The following IQCN variants were observed in gnomAD, a reference collection of about 807,000 sequenced individuals.
IQCN encodes IQ domain-containing protein N.
Under a neutral mutation model 64.4 loss-of-function variants are expected in IQCN, and 46 were observed. That is an observed-to-expected ratio of 0.71 (90% CI 0.56 to 0.91). The LOEUF (loss-of-function observed/expected upper bound fraction) is 0.91. Ranked by LOEUF, IQCN falls within the 40% of genes least tolerant of loss-of-function variation. The pLI, the probability that IQCN is intolerant of heterozygous loss-of-function variation, is 0.00. For synonymous variants in IQCN, 733 were observed against 775.6 expected (o/e 0.95, Z 0.91); for missense variants, 1,753 against 1,857.4 (o/e 0.94, Z 1.03).
intron 3 of IQCN, chr19:18,259,869 G>T (rs972272803): frequency 6.6e-6 from 1 of 152,306 alleles, no homozygotes; most frequent in Non-Finnish European, 1.5e-5. Context: ...ATGTGTCAAA[G>T]GGCCACCTGC....
chr19:18,264,690 C>T lies in IQCN; in HGVS notation c.2850G>A (p.Leu950=). Residue 950 remains leucine (L), a synonymous_variant, in exon 3 of 4, where the codon CTG becomes CTA. Coordinates refer to ENST00000392413, the MANE Select transcript of IQCN (RefSeq NM_001145304.2). This position sits in a 1 kb window ranked among gnomAD's most constrained non-coding sequence, Gnocchi z 4.3. ...GCTCGCCCCGGGACAGGGCTCGGGA[C>T]AGGGTCAGGCGCAGCTCACTCCAGG... is the stretch of plus-strand genomic sequence containing the variant. ...ALSWSELRLT[L]SRALSRGELR... The T allele has an allele frequency of 2.6e-6, 4 of 1,551,262 alleles. No individual in the cohort carries two copies. Among genetic ancestry groups the T allele is most frequent in the Non-Finnish European group, 3.5e-6 (4 of 1,146,994 alleles).
At position 18,265,900 on chromosome 19, in the gene IQCN, A is replaced by C; in HGVS notation, c.1640T>G (p.Ile547Ser). The C allele has an allele frequency of 6.2e-7, 1 of 1,614,094 alleles. No individual in the cohort carries two copies. The change falls in exon 3 of 4, where the codon ATC becomes AGC. Residue 547 changes from isoleucine (I) to serine (S), a missense_variant. By Grantham distance (142) the Ile-to-Ser change is moderately radical. Transcript: ENST00000392413. The surrounding 1 kb of genome is among the most constrained non-coding windows in gnomAD (Gnocchi z 4.7). ...AAGTPNTSGS[I>S]HENPPKAKAT... ...CTTGGCCTTGGGTGGGTTCTCATGGATGGAGCCTGAGGTGTTGGGAGTTCC... is the reference window on the plus strand; with the variant it reads ...CTTGGCCTTGGGTGGGTTCTCATGGCTGGAGCCTGAGGTGTTGGGAGTTCC...
In IQCN at chr19:18,265,518, ATG is replaced by A; in HGVS notation, c.2020_2021del (p.His674SerfsTer25). ...APLTNASSQR[H>X]PPCLSQRPLA... is the part of the protein sequence containing the mutation. ...GTGGTCTCTGGGACAGGCAGGGTGG[ATG>A]TCTCTGGGATGAGGCATTGGTCAGT... On this transcript the variant is annotated frameshift_variant, in exon 3 of 4. Coordinates refer to ENST00000392413, the MANE Select transcript of IQCN (RefSeq NM_001145304.2). LOFTEE classifies it high-confidence loss of function. The surrounding 1 kb of genome is among the most constrained non-coding windows in gnomAD (Gnocchi z 4.7). 1 of 1,612,224 alleles carries A rather than the reference ATG, an allele frequency of 6.2e-7. No homozygotes were observed. The highest frequency in any genetic ancestry group is 8.5e-7 in the Non-Finnish European group (1 of 1,178,776).
chr19:18,259,609 C>A (rs1344959968), intron 3 of IQCN: 1 of 152,318 alleles, frequency 6.6e-6, no homozygotes, highest in Non-Finnish European at 1.5e-5. Context: ...GCTACAAAAC[C>A]TCCTGCCGCA....
At chr19:18,273,717 C>T (rs1969791514) in intron 1 of IQCN, among the ~76,000 whole-genome samples, 1 of 152,120 alleles carries the variant, frequency 6.6e-6, no homozygotes, top group Non-Finnish European at 1.5e-5. Flanking sequence ...ATCACTTGAA[C>T]CCGGGAGACA....
Position 18,265,686 on chromosome 19 carries a change from C to A in IQCN, c.1854G>T (p.Met618Ile), listed in dbSNP as rs752560660. 2.5e-6 allele frequency: 4 copies of A among 1,614,046 alleles called. No homozygotes were observed. The African/African-American group carries it at 4.0e-5, about 16-fold the overall frequency. ...TGTQKQAKTDMAFKTSVAVEM... is the reference protein window; with the variant it reads ...TGTQKQAKTDIAFKTSVAVEM... ...CCACTGCCACACTGGTCTTAAATGCCATGTCTGTTTTCGCCTGTTTCTGGG... is the reference window on the plus strand; with the variant it reads ...CCACTGCCACACTGGTCTTAAATGCAATGTCTGTTTTCGCCTGTTTCTGGG... The change falls in exon 3 of 4, where the codon ATG becomes ATT. Residue 618 changes from methionine to isoleucine, a missense_variant. Coordinates refer to ENST00000392413, the MANE Select transcript of IQCN (RefSeq NM_001145304.2). The surrounding 1 kb of genome is among the most constrained non-coding windows in gnomAD (Gnocchi z 4.7).
chr19:18,263,575 G>C (rs1969477580), intron 3 of IQCN, among the ~76,000 whole-genome samples: 1 of 152,158 alleles, frequency 6.6e-6, no homozygotes, highest in Non-Finnish European at 1.5e-5. Flanking sequence ...ATGGTGACCT[G>C]CAAGGGACTT....
rs765140713 is a variant in IQCN at position 18,257,518 on chromosome 19, A to G, written c.3766T>C (p.Cys1256Arg). ...VMLVGSSPRT[C>R]HTCGRTQPTR... is the part of the protein sequence containing the mutation. ...GGCTGTGTGCGTCCACAGGTATGAC[A>G]GGTGCGAGGGCTGGAGCCCACTAGC... Residue 1256 changes from cysteine to arginine, a missense_variant, in exon 4 of 4, where the codon TGT becomes CGT. By Grantham distance (180) the Cys-to-Arg change is radical. Transcript: ENST00000392413. 3.1e-6 allele frequency: 5 copies of G among 1,611,222 alleles called. No homozygotes were observed. The highest frequency in any genetic ancestry group is 4.2e-6 in the Non-Finnish European group (5 of 1,179,348).
In IQCN at chr19:18,257,919, G is replaced by A. The variant is rs139430406; in HGVS notation, c.3365C>T (p.Ala1122Val). The change falls in exon 4 of 4, where the codon GCG (alanine) becomes GTG (valine). Residue 1122 changes from alanine to valine, a missense_variant. By Grantham distance (64) the Ala-to-Val change is moderately conservative. Transcript: ENST00000392413. ...ACGCGCCAGGTAGCCACGGACGCCCGCCTGGATAGTGATCACTGCGAGGAT... is the reference window on the plus strand; with the variant it reads ...ACGCGCCAGGTAGCCACGGACGCCCACCTGGATAGTGATCACTGCGAGGAT... Reference protein sequence around the residue: ...IRILAVITIQAGVRGYLARRR... With the variant: ...IRILAVITIQVGVRGYLARRR... 219 of 1,612,812 alleles carry A rather than the reference G, an allele frequency of 1.4e-4. 1 individual carries two copies. The African/African-American group carries it at 2.0e-3, about 14-fold the overall frequency.
chr19:18,269,319 T>C, intron 2 of IQCN, 147 bp downstream of exon 2: 1 of 760,792 alleles, frequency 1.3e-6, no homozygotes, highest in South Asian at 1.6e-5. Flanking sequence ...TGACTGTGGC[T>C]TTCAGAAGTA....
Position 18,267,425 on chromosome 19 carries a change from C to A in IQCN, c.115G>T (p.Ala39Ser). 1 of 1,569,686 alleles carries A rather than the reference C, an allele frequency of 6.4e-7. No homozygotes were observed. Among genetic ancestry groups the A allele is most frequent in the South Asian group, 1.2e-5 (1 of 82,682 alleles). ...TQWAVHPPAPAHPSLLDKMEK... is the reference protein window; with the variant it reads ...TQWAVHPPAPSHPSLLDKMEK... ...ATTTTGTCCAGGAGACTGGGGTGAGCGGGGGCTGGAGGATGCACCGCCCAC... is the reference window on the plus strand; with the variant it reads ...ATTTTGTCCAGGAGACTGGGGTGAGAGGGGGCTGGAGGATGCACCGCCCAC... The change falls in exon 3 of 4, where the codon GCT (alanine) becomes TCT (serine). Residue 39 changes from alanine (A) to serine (S), a missense_variant. Coordinates refer to ENST00000392413, the MANE Select transcript of IQCN (RefSeq NM_001145304.2).
At position 18,265,573 on chromosome 19, in the gene IQCN, G is replaced by A; in HGVS notation, c.1967C>T (p.Thr656Ile). Residue 656 changes from threonine to isoleucine, a missense_variant, in exon 3 of 4, where the codon ACC becomes ATC. Transcript: ENST00000392413. The surrounding 1 kb of genome is among the most constrained non-coding windows in gnomAD (Gnocchi z 4.7). ...HVYVPVDMAV[T>I]LPRGQLAAPL... ...GGCAGCCAGCTGTCCCCGGGGCAGG[G>A]TGACAGCCATGTCTACAGGCACATA... The A allele has an allele frequency of 6.2e-7, 1 of 1,612,284 alleles. No homozygotes were observed. The highest frequency in any genetic ancestry group is 2.2e-5 in the East Asian group (1 of 44,840).
In IQCN at chr19:18,265,221, C is replaced by A. The variant is rs552229429; in HGVS notation, c.2319G>T (p.Val773=). The A allele has an allele frequency of 9.3e-6, 15 of 1,612,644 alleles. No homozygotes were observed. In the Admixed American group the frequency reaches 1.8e-4, roughly 20 times the overall value. ...ADLSSNTHSQ[V]LLTGSKVSNH... is the part of the protein sequence containing the mutation. ...TGGACACCTTGGACCCTGTTAGGAGCACCTGGGAGTGGGTGTTGCTGCTGA... is the reference window on the plus strand; with the variant it reads ...TGGACACCTTGGACCCTGTTAGGAGAACCTGGGAGTGGGTGTTGCTGCTGA... Residue 773 remains valine, a synonymous_variant, in exon 3 of 4, where the codon GTG becomes GTT. Coordinates refer to ENST00000392413, the MANE Select transcript of IQCN (RefSeq NM_001145304.2). This position sits in a 1 kb window ranked among gnomAD's most constrained non-coding sequence, Gnocchi z 4.7.
intron 1 of IQCN, among the ~76,000 whole-genome samples, chr19:18,274,097 T>G (rs1256471309): frequency 6.6e-6 from 1 of 152,090 alleles, no homozygotes; most frequent in Non-Finnish European, 1.5e-5. Flanking sequence ...ATGTCTCTAT[T>G]TATTTAAAAA....
chr19:18,269,779 G>C (rs1052415466), intron 1 of IQCN, among the ~76,000 whole-genome samples, 192 bp from the exon 2 acceptor site: 2 of 151,986 alleles, frequency 1.3e-5, no homozygotes, highest in African/African-American at 4.8e-5. Context: ...GATTGGTAGA[G>C]GTTCTGCTAC....
In IQCN at chr19:18,266,852, C is replaced by A; in HGVS notation, c.688G>T (p.Ala230Ser). Residue 230 changes from alanine to serine, a missense_variant, in exon 3 of 4, where the codon GCC becomes TCC. By Grantham distance (99) the Ala-to-Ser change is moderately conservative. Coordinates refer to ENST00000392413, the MANE Select transcript of IQCN (RefSeq NM_001145304.2). This position sits in a 1 kb window ranked among gnomAD's most constrained non-coding sequence, Gnocchi z 4.3. The part of the protein sequence containing the change: ...PEPCVQGPHA[A>S]RVRGLAFLPH... ...AGGAAGGCCAGCCCCCGGACTCTGGCAGCATGAGGACCCTGCACACAGGGC... is the reference window on the plus strand; with the variant it reads ...AGGAAGGCCAGCCCCCGGACTCTGGAAGCATGAGGACCCTGCACACAGGGC... 6.2e-7 allele frequency: 1 copy of A among 1,613,680 alleles called. No individual in the cohort carries two copies. The highest frequency in any genetic ancestry group is 8.5e-7 in the Non-Finnish European group (1 of 1,179,762).
Position 18,266,233 on chromosome 19 carries a change from G to T in IQCN, c.1307C>A (p.Ser436Tyr). Residue 436 changes from serine to tyrosine, a missense_variant, in exon 3 of 4, where the codon TCC becomes TAC. Transcript: ENST00000392413. The surrounding 1 kb of genome is among the most constrained non-coding windows in gnomAD (Gnocchi z 4.3). ...TACCTGGGGCAGGCTCTTCATGATG[G>T]AAGCCAGAAGGGAAACCTGAGGTCG... ...KNRPQVSLLA[S>Y]IMKSLPQVCP... 6.2e-7 allele frequency: 1 copy of T among 1,614,074 alleles called. No homozygotes were observed. The highest frequency in any genetic ancestry group is 8.5e-7 in the Non-Finnish European group (1 of 1,179,978).
Position 18,266,028 on chromosome 19 carries a change from G to C in IQCN, c.1512C>G (p.Thr504=). 6.2e-7 allele frequency: 1 copy of C among 1,614,158 alleles called. No individual in the cohort carries two copies. Among genetic ancestry groups the C allele is most frequent in the Non-Finnish European group, 8.5e-7 (1 of 1,180,022 alleles). Residue 504 remains threonine, a synonymous_variant, in exon 3 of 4, where the codon ACC becomes ACG. Coordinates refer to ENST00000392413, the MANE Select transcript of IQCN (RefSeq NM_001145304.2). This position sits in a 1 kb window ranked among gnomAD's most constrained non-coding sequence, Gnocchi z 4.3. ...TGGCCACCGAGCGTAACTGGGCTGG[G>C]GTCTTGGTTATCATGGCTGGCAGGC... ...QTRLPAMITK[T]PAQLRSVATI...
At position 18,265,411 on chromosome 19, in the gene IQCN, T is replaced by A. The variant is rs759769692; in HGVS notation, c.2129A>T (p.Asp710Val). 1.1e-5 allele frequency: 18 copies of A among 1,614,018 alleles called. No homozygotes were observed. In the East Asian group the frequency reaches 3.8e-4, roughly 34 times the overall value. ...LTKTPSLAHL[D>V]TCLSKMHSQT... ...GGAATGCATCTTGCTCAGACAGGTG[T>A]CCAGATGGGCCAGGGATGGGGTCTT... The change falls in exon 3 of 4, where the codon GAC (aspartate) becomes GTC (valine). Residue 710 changes from aspartate (D) to valine (V), a missense_variant. Transcript: ENST00000392413. The surrounding 1 kb of genome is among the most constrained non-coding windows in gnomAD (Gnocchi z 4.7).
Sources: allele counts gnomAD v4.1 joint callset (sites outside exome capture counted in the v4.1 genomes callset), GRCh38; gene constraint gnomAD v4.1.1; non-coding constraint Gnocchi (gnomAD v3.1); transcripts MANE v1.5; gene names NCBI Gene and HGNC (gene_info 2026-07-23, HGNC 2026-07-21).